TIMELESS: variants seen among roughly 807,000 people sequenced by gnomAD.
The protein encoded by TIMELESS is timeless circadian regulator, also known as protein timeless homolog.
A neutral mutation model predicts 164.3 loss-of-function variants in TIMELESS; 124 were observed. The ratio of observed to expected loss-of-function variants is 0.75; its 90% CI spans 0.65 to 0.88. The LOEUF (loss-of-function observed/expected upper bound fraction) is 0.88. Ranked by LOEUF, TIMELESS falls within the 40% of genes least tolerant of loss-of-function variation. The probability of loss-of-function intolerance (pLI) is 0.00; values close to 1 mark genes in which losing one functional copy is unlikely to be tolerated. For missense variants in TIMELESS, 1,422 were observed against 1,491.4 expected (o/e 0.95, Z 0.77); for synonymous variants, 564 against 563.4 (o/e 1.00, Z -0.02).
At position 56,434,054 on chromosome 12, in the gene TIMELESS, T is replaced by C; in HGVS notation, c.97+20A>G. On this transcript the variant is annotated intron_variant, in intron 2 of 28. Transcript: ENST00000553532. ...TAATTCAAGCCAATTTTTTTCCTGT[T>C]TCATCAAAAAGGTACTCACCTAAGC... 6.2e-7 allele frequency: 1 copy of C among 1,613,456 alleles called. No homozygotes were observed. The highest frequency in any genetic ancestry group is 8.5e-7 in the Non-Finnish European group (1 of 1,179,422).
intron 26 of TIMELESS, 43 bp downstream of exon 26, chr12:56,420,526 A>G (rs759069300): frequency 6.6e-7 from 1 of 1,521,976 alleles, no homozygotes; most frequent in South Asian, 1.1e-5. Flanking sequence ...ATTTGGAAAT[A>G]GGACTAACAC....
At chr12:56,445,422 CAAAAAAAAAAAAAAAAA>C (rs71081360) in intron 1 of TIMELESS, among the ~76,000 whole-genome samples, 7 of 18,748 alleles carry the variant, frequency 3.7e-4, no homozygotes, top group Admixed American at 1.1e-3. Context: ...AACTCCACGT[CAAAAAAAAAAAAAAAAA>C]AAAAAAAAAA....
Position 56,430,187 on chromosome 12 carries a change from G to T in TIMELESS, c.1004C>A (p.Ala335Asp), listed in dbSNP as rs749540437. 3.7e-5 allele frequency: 60 copies of T among 1,613,990 alleles called. No individual in the cohort carries two copies. The South Asian group carries it at 6.0e-4, about 16-fold the overall frequency. ...TCTGAGGAAGAGCCTCACATTGAGG[G>T]CAGAACGGCGCTGAATGGACAGCTC... ...ARELSIQRRS[A>D]LNVRLFLRDF... The change falls in exon 10 of 29, where the codon GCC becomes GAC. Residue 335 changes from alanine to aspartate, a missense_variant. Coordinates refer to ENST00000553532, the MANE Select transcript of TIMELESS (RefSeq NM_003920.5).
At chr12:56,427,389 C>T (rs1162419564) in intron 13 of TIMELESS, among the ~76,000 whole-genome samples, 1 of 152,188 alleles carries the variant, frequency 6.6e-6, no homozygotes, top group Non-Finnish European at 1.5e-5. Flanking sequence ...TCCCAAAGTG[C>T]TGGGATTACA....
In TIMELESS at chr12:56,424,281, C is replaced by T. The variant is rs556717046; in HGVS notation, c.1869-387G>A. Among the ~76,000 whole-genome samples the T allele has an allele frequency of 2.6e-5, 4 of 152,106 alleles. No individual in the cohort carries two copies. In the East Asian group the frequency reaches 7.7e-4, roughly 29 times the overall value. On this transcript the variant is annotated intron_variant, in intron 15 of 28. Coordinates refer to ENST00000553532, the MANE Select transcript of TIMELESS (RefSeq NM_003920.5). ...TCATTTTTGTAAAACAAGGTATATA[C>T]GATATTTTTACATGTAACGGAGCAA...
chr12:56,422,146 A>C lies in TIMELESS; in HGVS notation c.2484T>G (p.Ala828=). The change falls in exon 20 of 29, where the codon GCT becomes GCG. Residue 828 remains alanine (A), a synonymous_variant. Coordinates refer to ENST00000553532, the MANE Select transcript of TIMELESS (RefSeq NM_003920.5). ...TGGCGAGGTACAGCTCCCGAAGATG[A>C]GCCTCTTCTTCGGGGCTCCATGTAG... is the stretch of plus-strand genomic sequence containing the variant. ...RAPTWSPEEE[A]HLRELYLANK... 1 of 1,614,138 alleles carries C rather than the reference A, an allele frequency of 6.2e-7. No homozygotes were observed. Among genetic ancestry groups the C allele is most frequent in the Non-Finnish European group, 8.5e-7 (1 of 1,180,026 alleles).
intron 22 of TIMELESS, 67 bp downstream of exon 22, chr12:56,421,660 C>T: frequency 6.4e-7 from 1 of 1,573,414 alleles, no homozygotes; most frequent in South Asian, 1.1e-5. Flanking sequence ...GAATAAAAGG[C>T]AGCCCCAAAA....
In TIMELESS at chr12:56,420,667, A is replaced by G. The variant is rs780965067; in HGVS notation, c.3130T>C (p.Leu1044=). The G allele has an allele frequency of 1.3e-5, 21 of 1,614,118 alleles. No homozygotes were observed. In the Admixed American group the frequency reaches 2.5e-4, roughly 19 times the overall value. The change falls in exon 26 of 29, where the codon TTG becomes CTG. Residue 1044 remains leucine, a synonymous_variant. Coordinates refer to ENST00000553532, the MANE Select transcript of TIMELESS (RefSeq NM_003920.5). ...EEDGCSQAVP[L]VPLTEENEEA... is the part of the protein sequence containing the mutation. ...TCATTTTCCTCTGTGAGTGGCACCA[A>G]TGGAACGGCCTGGGAGCAGCCTAAG...
chr12:56,434,371 C>G, intron 1 of TIMELESS, 140 bp from the exon 2 acceptor site: 1 of 579,402 alleles, frequency 1.7e-6, no homozygotes, highest in South Asian at 2.1e-5. Context: ...AAGTTCTGCT[C>G]TCAGCCCCAG....
intron 1 of TIMELESS, among the ~76,000 whole-genome samples, chr12:56,439,921 T>C (rs1375615559): frequency 6.6e-6 from 1 of 152,184 alleles, no homozygotes; most frequent in Non-Finnish European, 1.5e-5. Flanking sequence ...TCACATTTCA[T>C]CATAGACCAG....
chr12:56,448,065 G>A (rs1202317657), intron 1 of TIMELESS, among the ~76,000 whole-genome samples: 1 of 152,182 alleles, frequency 6.6e-6, no homozygotes, highest in Non-Finnish European at 1.5e-5. Context: ...GGTGGTCAAA[G>A]AGGAGTTTTA....
intron 1 of TIMELESS, among the ~76,000 whole-genome samples, chr12:56,434,899 G>A (rs756152635): frequency 5.3e-5 from 8 of 152,094 alleles, no homozygotes; most frequent in Admixed American, 2.0e-4. Flanking sequence ...AAAGCCAACC[G>A]TTGTGGCACA....
chr12:56,427,303 A>G (rs1028719474), intron 13 of TIMELESS, among the ~76,000 whole-genome samples: 3 of 152,012 alleles, frequency 2.0e-5, no homozygotes, highest in Non-Finnish European at 4.4e-5. Flanking sequence ...TTGTATTTTT[A>G]GTAGAGAAGG....
At position 56,424,815 on chromosome 12, in the gene TIMELESS, G is replaced by A. The variant is rs1416553301; in HGVS notation, c.1815C>T (p.Asp605=). Residue 605 remains aspartate (D), a synonymous_variant, in exon 15 of 29, where the codon GAC becomes GAT. Coordinates refer to ENST00000553532, the MANE Select transcript of TIMELESS (RefSeq NM_003920.5). ...QRAEAMVRIQ[D]CLLAGQAPQA... ...GTGGGGCCTGGCCAGCCAGGAGACAGTCTTGGATCCGTACCATAGCTTCTG... is the reference window on the plus strand; with the variant it reads ...GTGGGGCCTGGCCAGCCAGGAGACAATCTTGGATCCGTACCATAGCTTCTG... The A allele has an allele frequency of 6.2e-7, 1 of 1,614,112 alleles. No individual in the cohort carries two copies. Among genetic ancestry groups the A allele is most frequent in the African/African-American group, 1.3e-5 (1 of 74,940 alleles).
intron 19 of TIMELESS, 34 bp downstream of exon 19, chr12:56,422,813 A>ACCC: frequency 2.9e-6 from 4 of 1,357,020 alleles, no homozygotes; most frequent in Non-Finnish European, 3.1e-6. Context: ...AACTTCCCCT[A>ACCC]CCCCCACCCA....
At chr12:56,444,063 A>G (rs1385324750) in intron 1 of TIMELESS, among the ~76,000 whole-genome samples, 1 of 151,838 alleles carries the variant, frequency 6.6e-6, no homozygotes, top group East Asian at 1.9e-4. Flanking sequence ...ACGCTTGGCT[A>G]ATTTTTGTAT....
chr12:56,431,888 GT>G (rs36104188), intron 7 of TIMELESS, among the ~76,000 whole-genome samples: 63,755 of 151,108 alleles, frequency 0.42, 14,672 homozygotes, highest in East Asian at 0.73. Flanking sequence ...TTTATAGAAT[GT>G]ATATATGTGC....
chr12:56,437,198 G>A lies in TIMELESS; in HGVS notation c.-61-2967C>T, dbSNP rs529974614. Reference sequence around the variant, plus strand: ...CACACCTCGGCCTCCCAAAGTGCTGGGATTACATGCTTGAGCCACTGCGCC... The same window carrying A: ...CACACCTCGGCCTCCCAAAGTGCTGAGATTACATGCTTGAGCCACTGCGCC... On this transcript the variant is annotated intron_variant, in intron 1 of 28. Coordinates refer to ENST00000553532, the MANE Select transcript of TIMELESS (RefSeq NM_003920.5). Among the ~76,000 whole-genome samples, 33 of 152,192 alleles carry A rather than the reference G, an allele frequency of 2.2e-4. 1 individual carries two copies. In the East Asian group the frequency reaches 3.1e-3, roughly 14 times the overall value.
chr12:56,434,922 T>C (rs1882020913), intron 1 of TIMELESS, among the ~76,000 whole-genome samples: 1 of 152,262 alleles, frequency 6.6e-6, no homozygotes, highest in South Asian at 2.1e-4. Flanking sequence ...CCTGCACTCC[T>C]ACCTACTCGG....
Sources: gnomAD v4.1 joint callset for allele counts (sites outside exome capture counted in the v4.1 genomes callset) on GRCh38, gnomAD v4.1.1 for gene constraint, MANE v1.5 for transcripts, NCBI Gene and HGNC (gene_info 2026-07-23, HGNC 2026-07-21) for gene names.